The following MTDH variants were observed in gnomAD, a reference collection of about 807,000 sequenced individuals.
MTDH encodes metadherin.
A neutral mutation model predicts 72.7 loss-of-function variants in MTDH; 34 were observed. The observed-to-expected ratio is 0.47, with a 90% CI of 0.36 to 0.62. The LOEUF is 0.62. Among genes scored for constraint, MTDH ranks in the 20% least tolerant of loss-of-function variants. The probability of loss-of-function intolerance (pLI) is 0.00; values close to 1 mark genes in which losing one functional copy is unlikely to be tolerated. For missense variants in MTDH, 677 were observed against 699.4 expected (o/e 0.97, Z 0.36); for synonymous variants, 266 against 268.9 (o/e 0.99, Z 0.10).
intron 2 of MTDH, among the ~76,000 whole-genome samples, chr8:97,667,847 A>G (rs1375963465): frequency 6.6e-6 from 1 of 151,732 alleles, no homozygotes; most frequent in Non-Finnish European, 1.5e-5. Context: ...AAAAAAAAAA[A>G]AAAGGAAGAA....
chr8:97,718,446 G>A (rs1464910786), intron 9 of MTDH, among the ~76,000 whole-genome samples: 2 of 151,520 alleles, frequency 1.3e-5, no homozygotes, highest in Non-Finnish European at 2.9e-5. Flanking sequence ...ATTAACTTAT[G>A]TATAAACATT....
At chr8:97,724,320 ATTAG>A (rs1195689513) in intron 11 of MTDH, among the ~76,000 whole-genome samples, 2 of 152,020 alleles carry the variant, frequency 1.3e-5, no homozygotes, top group South Asian at 2.1e-4. Flanking sequence ...TTTCTCTTTT[ATTAG>A]TTAGGTTGAG....
rs1254144788 is a variant in MTDH at position 97,688,461 on chromosome 8, T to TTG, written c.746-576_746-575insGT. Among the ~76,000 whole-genome samples the TTG allele has an allele frequency of 4.6e-5, 7 of 152,228 alleles. No homozygotes were observed. The East Asian group carries it at 1.3e-3, about 29-fold the overall frequency. ...GCTTTAGTATTTTTGTTGATTCTTT[T>TTG]TCGCTGTCTTGTGCATGCCATCCTT... On this transcript the variant is annotated intron_variant, in intron 4 of 11. Transcript: ENST00000336273.
intron 1 of MTDH, among the ~76,000 whole-genome samples, chr8:97,646,380 A>G (rs1344727495): frequency 1.3e-5 from 2 of 152,242 alleles, no homozygotes; most frequent in Non-Finnish European, 2.9e-5. Context: ...AACATAAATA[A>G]TTTAAAAATT....
chr8:97,686,807 G>C, intron 3 of MTDH, 55 bp downstream of exon 3: 1 of 1,230,736 alleles, frequency 8.1e-7, no homozygotes, highest in Admixed American at 2.3e-5. Context: ...TTTTATCAAA[G>C]TGTATTATAT....
chr8:97,710,747 C>T (rs537506257), intron 8 of MTDH, among the ~76,000 whole-genome samples: 1 of 150,426 alleles, frequency 6.6e-6, no homozygotes, highest in African/African-American at 2.4e-5. Context: ...CGCCTGTAAT[C>T]CCAGCACTTT....
rs550436693 is a variant in MTDH, at chr8:97,685,262, CAG to C, written c.484-1405_484-1404del. On this transcript the variant is annotated intron_variant, in intron 2 of 11. Transcript: ENST00000336273. ...ATTAATTATACATACTGTAATAAAA[CAG>C]TGTATTAAACATACATGTTAATGAT... 1.6e-3 allele frequency among the ~76,000 whole-genome samples: 246 copies of C among 151,664 alleles called. 2 individuals are homozygous for C. The highest frequency in any genetic ancestry group is 5.4e-3 in the African/African-American group (221 of 41,294).
intron 2 of MTDH, among the ~76,000 whole-genome samples, chr8:97,664,416 G>T (rs901640703): frequency 2.6e-5 from 4 of 151,596 alleles, no homozygotes. Context: ...ATTCTGATTC[G>T]AAAAAGTTCT....
At position 97,689,527 on chromosome 8, in the gene MTDH, A is replaced by G. The variant is rs1014410031; in HGVS notation, c.811+424A>G. Among the ~76,000 whole-genome samples the G allele has an allele frequency of 2.9e-4, 44 of 152,026 alleles. 1 individual carries two copies. On this transcript the variant is annotated intron_variant, in intron 5 of 11. Transcript: ENST00000336273. The stretch of plus-strand genomic sequence containing the variant: ...CTGCTTCCTTGACAGTCAAGTATCA[A>G]ATATTTCACAATGGATTATAGGCTA...
intron 2 of MTDH, among the ~76,000 whole-genome samples, chr8:97,664,519 TC>T (rs1343878781): frequency 6.6e-6 from 1 of 152,242 alleles, no homozygotes; most frequent in Non-Finnish European, 1.5e-5. Flanking sequence ...ATTTGACTTT[TC>T]AAATAATAAT....
chr8:97,680,795 A>G (rs1396397203), intron 2 of MTDH, among the ~76,000 whole-genome samples: 2 of 152,222 alleles, frequency 1.3e-5, no homozygotes, highest in African/African-American at 4.8e-5. Flanking sequence ...TGCTAATTTC[A>G]AATGCTAGAC....
intron 3 of MTDH, among the ~76,000 whole-genome samples, chr8:97,686,981 A>G (rs1418535592): frequency 6.6e-6 from 1 of 152,100 alleles, no homozygotes; most frequent in Non-Finnish European, 1.5e-5. Flanking sequence ...CAAGCTCAGT[A>G]TTTTGAGCAA....
At chr8:97,698,852 A>G (rs565389119) in intron 6 of MTDH, among the ~76,000 whole-genome samples, 2 of 152,312 alleles carry the variant, frequency 1.3e-5, no homozygotes, top group East Asian at 3.9e-4. Flanking sequence ...TGACTTCTTG[A>G]AATTTGTAGG....
At chr8:97,688,306 C>G (rs1400741358) in intron 4 of MTDH, among the ~76,000 whole-genome samples, 2 of 152,172 alleles carry the variant, frequency 1.3e-5, no homozygotes, top group African/African-American at 4.8e-5. Flanking sequence ...CTCCCCACAC[C>G]TCAGTTGTTT....
chr8:97,651,749 A>G (rs1440329800), intron 1 of MTDH, among the ~76,000 whole-genome samples: 2 of 152,196 alleles, frequency 1.3e-5, no homozygotes, highest in Non-Finnish European at 2.9e-5. Context: ...CCTCATGTCT[A>G]CATGTATGCT....
At chr8:97,700,961 T>A (rs1447611175) in intron 7 of MTDH, among the ~76,000 whole-genome samples, 1 of 152,136 alleles carries the variant, frequency 6.6e-6, no homozygotes, top group African/African-American at 2.4e-5. Context: ...AGGACCATAT[T>A]GTGAAATGCA....
At chr8:97,682,271 TATATATATA>T (rs1409808636) in intron 2 of MTDH, among the ~76,000 whole-genome samples, 27 of 8,550 alleles carry the variant, frequency 3.2e-3, no homozygotes, top group South Asian at 4.5e-3. Flanking sequence ...TATATATATA[TATATATATA>T]TTTTTTTTTT....
At chr8:97,714,554 A>G (rs1240697291) in intron 9 of MTDH, among the ~76,000 whole-genome samples, 2 of 152,090 alleles carry the variant, frequency 1.3e-5, no homozygotes, top group East Asian at 3.9e-4. Context: ...CAGTGAGCCA[A>G]AAATCACACT....
At chr8:97,661,050 A>G in intron 1 of MTDH, 22 bp from the exon 2 acceptor site, 1 of 1,598,254 alleles carries the variant, frequency 6.3e-7, no homozygotes, top group Non-Finnish European at 8.6e-7. Flanking sequence ...TGATAATATG[A>G]TACTTTTTGT....
Sources: gnomAD v4.1 joint callset for allele counts (sites outside exome capture counted in the v4.1 genomes callset) on GRCh38, gnomAD v4.1.1 for gene constraint, MANE v1.5 for transcripts, NCBI Gene and HGNC (gene_info 2026-07-23, HGNC 2026-07-21) for gene names.